MAML2: variants seen among roughly 807,000 people sequenced by gnomAD.
The protein encoded by MAML2 is mastermind-like protein 2.
Under a neutral mutation model 96.1 loss-of-function variants are expected in MAML2, and 22 were observed. That is an observed-to-expected ratio of 0.23 (90% CI 0.16 to 0.33). The LOEUF (loss-of-function observed/expected upper bound fraction) is 0.33. Ranked by LOEUF, MAML2 falls within the 10% of genes least tolerant of loss-of-function variation. MAML2 has a pLI of 1.00. For missense variants in MAML2, 1,367 were observed against 1,392.4 expected (o/e 0.98, Z 0.29); for synonymous variants, 561 against 521.3 (o/e 1.08, Z -1.04).
At chr11:96,206,690 A>G (rs758778204) in intron 1 of MAML2, among the ~76,000 whole-genome samples, 11 of 152,248 alleles carry the variant, frequency 7.2e-5, no homozygotes, top group Non-Finnish European at 1.2e-4. Flanking sequence ...AAAGTAAAAG[A>G]GTACAGATGT....
At chr11:96,201,316 G>T (rs1184831115) in intron 1 of MAML2, among the ~76,000 whole-genome samples, 1 of 152,150 alleles carries the variant, frequency 6.6e-6, no homozygotes, top group African/African-American at 2.4e-5. Flanking sequence ...AGAAGAGAAG[G>T]ATGTTTAATT....
intron 1 of MAML2, among the ~76,000 whole-genome samples, chr11:96,105,491 T>C (rs1002865921): frequency 1.3e-5 from 2 of 152,238 alleles, no homozygotes; most frequent in East Asian, 1.9e-4. Context: ...AAGAGGTCCC[T>C]GCAATTTCAG....
intron 2 of MAML2, among the ~76,000 whole-genome samples, chr11:96,054,489 A>T (rs1050280761): frequency 6.6e-6 from 1 of 152,164 alleles, no homozygotes; most frequent in Non-Finnish European, 1.5e-5. Context: ...CAGTTTAAGG[A>T]GGGGTTCCTT....
rs1438948011 is a variant in MAML2 at position 96,268,996 on chromosome 11, A to G, written c.513+72387T>C. ...GCTCGAATAAATGCATATTTGGATT[A>G]GAATAAATCTCTAAAACTGAGAAAC... is the stretch of plus-strand genomic sequence containing the variant. On this transcript the variant is annotated intron_variant, in intron 1 of 4. Transcript: ENST00000524717. 1.4e-5 allele frequency among the ~76,000 whole-genome samples: 2 copies of G among 145,376 alleles called. 1 individual carries two copies. The highest frequency in any genetic ancestry group is 5.3e-5 in the African/African-American group (2 of 38,046).
intron 1 of MAML2, among the ~76,000 whole-genome samples, chr11:96,268,402 G>A (rs1475556413): frequency 6.6e-6 from 1 of 152,152 alleles, no homozygotes; most frequent in African/African-American, 2.4e-5. Flanking sequence ...TGAGAGGATG[G>A]CTTGAGCCCA....
At chr11:96,040,395 ACT>A (rs1482638765) in intron 2 of MAML2, among the ~76,000 whole-genome samples, 1 of 152,162 alleles carries the variant, frequency 6.6e-6, no homozygotes, top group Non-Finnish European at 1.5e-5. Flanking sequence ...TTAATGTACA[ACT>A]CTGAGTTTGC....
chr11:96,253,095 A>G (rs1292294348), intron 1 of MAML2, among the ~76,000 whole-genome samples: 2 of 152,236 alleles, frequency 1.3e-5, no homozygotes, highest in South Asian at 2.1e-4. Context: ...AAGGCTCTGC[A>G]TATAGTAGAG....
intron 1 of MAML2, among the ~76,000 whole-genome samples, chr11:96,226,633 G>A (rs1345315930): frequency 6.6e-6 from 1 of 152,098 alleles, no homozygotes; most frequent in African/African-American, 2.4e-5. Flanking sequence ...GCAAAAATTA[G>A]AAATGAATCT....
intron 1 of MAML2, among the ~76,000 whole-genome samples, chr11:96,238,781 A>G (rs1862396622): frequency 6.6e-6 from 1 of 152,246 alleles, no homozygotes; most frequent in Admixed American, 6.5e-5. Context: ...AAAATGGGGT[A>G]GAACATTATT....
intron 1 of MAML2, among the ~76,000 whole-genome samples, chr11:96,309,285 C>G (rs1406352965): frequency 6.6e-6 from 1 of 152,172 alleles, no homozygotes; most frequent in East Asian, 1.9e-4. Flanking sequence ...CAAAACTGCC[C>G]TTTAGTTTAA....
At chr11:96,131,150 A>C (rs944257812) in intron 1 of MAML2, among the ~76,000 whole-genome samples, 1 of 152,162 alleles carries the variant, frequency 6.6e-6, no homozygotes, top group Non-Finnish European at 1.5e-5. Context: ...GTAGAAATAA[A>C]AAGATACTCC....
chr11:96,124,018 C>T (rs946543818), intron 1 of MAML2, among the ~76,000 whole-genome samples: 5 of 145,672 alleles, frequency 3.4e-5, no homozygotes, highest in East Asian at 2.0e-4. Context: ...TGCAGTGAGC[C>T]GAGATCGGGC....
intron 2 of MAML2, among the ~76,000 whole-genome samples, chr11:96,037,427 G>A (rs777379107): frequency 2.6e-5 from 4 of 152,100 alleles, no homozygotes; most frequent in Non-Finnish European, 4.4e-5. Context: ...CCTTATACAC[G>A]GTTGTAAGAC....
intron 1 of MAML2, among the ~76,000 whole-genome samples, chr11:96,268,657 G>C (rs1168214098): frequency 1.3e-5 from 2 of 152,138 alleles, no homozygotes; most frequent in Admixed American, 6.5e-5. Context: ...TCATGGGAGG[G>C]ACCCAGTGGG....
At chr11:95,997,758 C>T (rs1232238505) in intron 2 of MAML2, among the ~76,000 whole-genome samples, 1 of 152,158 alleles carries the variant, frequency 6.6e-6, no homozygotes, top group African/African-American at 2.4e-5. Flanking sequence ...CCCGAGCCCA[C>T]TCTAAGGCCC....
intron 1 of MAML2, among the ~76,000 whole-genome samples, chr11:96,219,774 T>C (rs506866): frequency 0.57 from 86,812 of 151,824 alleles, 25,032 homozygotes; most frequent in East Asian, 0.61. Context: ...TACAGATACC[T>C]GCCACGATAC....
chr11:96,308,568 C>G (rs1863497802), intron 1 of MAML2, among the ~76,000 whole-genome samples: 1 of 152,094 alleles, frequency 6.6e-6, no homozygotes, highest in South Asian at 2.1e-4. Context: ...AGTAAGAAAC[C>G]TACTTTAGAC....
chr11:95,978,959 T>C lies in MAML2; in HGVS notation c.3460A>G (p.Asn1154Asp). ...CTTCCCTTTCTTCTTTAGGAATTGT[T>C]CCCCAAGATTTCATCAAGATTGATG... ...KDINLDEILGNNS is the reference protein window; with the variant it reads ...KDINLDEILGDNS Residue 1154 changes from asparagine to aspartate, a missense_variant, in exon 5 of 5, where the codon AAC becomes GAC. Coordinates refer to ENST00000524717, the MANE Select transcript of MAML2 (RefSeq NM_032427.4). 6.2e-7 allele frequency: 1 copy of C among 1,606,200 alleles called. No homozygotes were observed. The highest frequency in any genetic ancestry group is 8.5e-7 in the Non-Finnish European group (1 of 1,176,464).
chr11:96,296,570 G>A (rs2135995153), intron 1 of MAML2, among the ~76,000 whole-genome samples: 1 of 152,298 alleles, frequency 6.6e-6, no homozygotes, highest in East Asian at 1.9e-4. Flanking sequence ...TTGAACCTGG[G>A]AGGTGGAGAT....
Sources: allele counts gnomAD v4.1 joint callset (sites outside exome capture counted in the v4.1 genomes callset), GRCh38; gene constraint gnomAD v4.1.1; transcripts MANE v1.5; gene names NCBI Gene and HGNC (gene_info 2026-07-23, HGNC 2026-07-21).